Variants in PKD1L1 observed in about 807,000 individuals in gnomAD.
The protein encoded by PKD1L1 is polycystin-1-like protein 1.
A neutral mutation model predicts 323.4 loss-of-function variants in PKD1L1; 236 were observed. The ratio of observed to expected loss-of-function variants is 0.73; its 90% CI spans 0.66 to 0.81. PKD1L1 has a LOEUF of 0.81. Ranked by LOEUF, PKD1L1 falls within the 40% of genes least tolerant of loss-of-function variation. The pLI, the probability that PKD1L1 is intolerant of heterozygous loss-of-function variation, is 0.00. For missense variants in PKD1L1, 3,320 were observed against 3,508.0 expected (o/e 0.95, Z 1.35); for synonymous variants, 1,344 against 1,335.0 (o/e 1.01, Z -0.15).
At chr7:47,818,050 A>T (rs1436753292) in intron 46 of PKD1L1, 1 of 1,367,526 alleles carries the variant, frequency 7.3e-7, no homozygotes, top group African/African-American at 1.5e-5. Flanking sequence ...GCTGGTTCTT[A>T]ACTCTGGACT....
At chr7:47,883,324 C>A (rs112094517) in intron 19 of PKD1L1, among the ~76,000 whole-genome samples, 3 of 152,154 alleles carry the variant, frequency 2.0e-5, no homozygotes, top group Non-Finnish European at 4.4e-5. Flanking sequence ...TGCAAACTGA[C>A]CAATCCAGAA....
At chr7:47,951,861 G>C (rs544887740), upstream of PKD1L1, among the ~76,000 whole-genome samples, 4 of 152,286 alleles carry the variant, frequency 2.6e-5, no homozygotes, top group African/African-American at 9.6e-5. Context: ...CCCAGGTTCT[G>C]ATCATTATCA....
intron 56 of PKD1L1, among the ~76,000 whole-genome samples, chr7:47,789,181 T>C (rs916516018): frequency 6.6e-6 from 1 of 152,228 alleles, no homozygotes; most frequent in African/African-American, 2.4e-5. Context: ...ACTTACATGC[T>C]TCTTAATAGT....
intron 31 of PKD1L1, among the ~76,000 whole-genome samples, chr7:47,848,979 G>A (rs1785723289): frequency 6.6e-6 from 1 of 152,154 alleles, no homozygotes; most frequent in African/African-American, 2.4e-5. Flanking sequence ...AACACAGCAT[G>A]CTACTGGCAT....
At chr7:47,948,587 A>T (rs970677519), upstream of PKD1L1, 6 of 684,558 alleles carry the variant, frequency 8.8e-6, no homozygotes, top group Non-Finnish European at 1.5e-5. Context: ...AGAGGGAAAA[A>T]TCCAAACTCC....
intron 13 of PKD1L1, among the ~76,000 whole-genome samples, chr7:47,902,049 G>GAAAAGAAAA (rs1554409871): frequency 4.7e-4 from 71 of 151,628 alleles, no homozygotes; most frequent in Non-Finnish European, 1.6e-4. Context: ...GAAAAGAAAA[G>GAAAAGAAAA]AAAAGAAAAA....
At chr7:47,775,189 A>T (rs368958922) in intron 56 of PKD1L1, 23 bp from the exon 57 acceptor site, 55 of 1,613,858 alleles carry the variant, frequency 3.4e-5, no homozygotes, top group Non-Finnish European at 4.6e-5. Flanking sequence ...AATGAAAAAC[A>T]TACTGAAACA....
intron 8 of PKD1L1, among the ~76,000 whole-genome samples, chr7:47,911,829 A>G (rs1018083070): frequency 6.6e-6 from 1 of 151,972 alleles, no homozygotes; most frequent in Non-Finnish European, 1.5e-5. Context: ...AATATCATCA[A>G]CACGCATACA....
chr7:47,776,251 A>G (rs374620409), intron 56 of PKD1L1, among the ~76,000 whole-genome samples: 1 of 152,254 alleles, frequency 6.6e-6, no homozygotes, highest in East Asian at 1.9e-4. Flanking sequence ...TTAAGAAAGA[A>G]ATAGTTCCAA....
chr7:47,855,894 A>G (rs1785892986), intron 28 of PKD1L1, among the ~76,000 whole-genome samples: 1 of 150,500 alleles, frequency 6.6e-6, no homozygotes, highest in Non-Finnish European at 1.5e-5. Context: ...AAAAAAAAAA[A>G]AAAAAAGAAA....
At chr7:47,792,389 G>A (rs1412071166) in intron 56 of PKD1L1, among the ~76,000 whole-genome samples, 1 of 152,036 alleles carries the variant, frequency 6.6e-6, no homozygotes, top group Admixed American at 6.6e-5. Flanking sequence ...GTTGTAATCA[G>A]AAATAAGGGG....
At chr7:47,855,854 C>T (rs1190115886) in intron 28 of PKD1L1, among the ~76,000 whole-genome samples, 1 of 62,516 alleles carries the variant, frequency 1.6e-5, no homozygotes, top group Non-Finnish European at 2.6e-5. Flanking sequence ...CCAGCCTGGG[C>T]GACAGAGCGA....
At position 47,857,846 on chromosome 7, in the gene PKD1L1, C is replaced by T. The variant is rs1418062303; in HGVS notation, c.4363-14G>A. 1 of 1,609,760 alleles carries T rather than the reference C, an allele frequency of 6.2e-7. No homozygotes were observed. The highest frequency in any genetic ancestry group is 8.5e-7 in the Non-Finnish European group (1 of 1,176,368). On this transcript the variant is annotated splice_polypyrimidine_tract_variant and intron_variant, in intron 27 of 56. Transcript: ENST00000289672. ...AGAGAGACAACCCTGAAACATAGAG[C>T]ATAGGGAGTGGGATGTTTATAACAC...
chr7:47,797,528 G>A (rs1391753974), intron 54 of PKD1L1, among the ~76,000 whole-genome samples: 3 of 152,174 alleles, frequency 2.0e-5, no homozygotes, highest in Non-Finnish European at 4.4e-5. Flanking sequence ...ACACACCCAT[G>A]GCAGACAGCA....
At chr7:47,777,878 A>C (rs143411957) in intron 56 of PKD1L1, among the ~76,000 whole-genome samples, 1 of 152,364 alleles carries the variant, frequency 6.6e-6, no homozygotes, top group East Asian at 1.9e-4. Context: ...CACATGCCTG[A>C]TGCCTTCAGG....
At chr7:47,899,582 C>A (rs1421490222) in intron 13 of PKD1L1, among the ~76,000 whole-genome samples, 1 of 151,960 alleles carries the variant, frequency 6.6e-6, no homozygotes, top group East Asian at 1.9e-4. Flanking sequence ...CTCTGCCTGG[C>A]CAGAGCGCCT....
At chr7:47,934,165 G>A (rs189940942) in intron 4 of PKD1L1, among the ~76,000 whole-genome samples, 1 of 152,340 alleles carries the variant, frequency 6.6e-6, no homozygotes, top group African/African-American at 2.4e-5. Context: ...ATCAGCCTGT[G>A]TGCCCGCAGC....
At chr7:47,911,215 G>C (rs1035833554) in intron 8 of PKD1L1, among the ~76,000 whole-genome samples, 2 of 152,058 alleles carry the variant, frequency 1.3e-5, no homozygotes, top group Admixed American at 1.3e-4. Flanking sequence ...CTATTTAAAA[G>C]TGTGTGGCAT....
the PKD1L1 span, among the ~76,000 whole-genome samples, chr7:47,957,871 A>ATATATATATATATATATATATATT: frequency 6.8e-5 from 10 of 148,106 alleles, no homozygotes; most frequent in Admixed American, 2.0e-4. Context: ...AAATATATAT[A>ATATATATATATATATATATATATT]TATATATCTA....
Sources: allele counts gnomAD v4.1 joint callset (sites outside exome capture counted in the v4.1 genomes callset), GRCh38; gene constraint gnomAD v4.1.1; transcripts MANE v1.5; gene names NCBI Gene and HGNC (gene_info 2026-07-23, HGNC 2026-07-21).